The following SETX variants were observed in gnomAD, a reference collection of about 807,000 sequenced individuals.
SETX encodes senataxin.
In SETX, 90 loss-of-function variants were observed where a neutral mutation model predicts 227.2. The ratio of observed to expected loss-of-function variants is 0.40; its 90% CI spans 0.33 to 0.47. SETX has a LOEUF of 0.47. Ranked by LOEUF, SETX falls within the 20% of genes least tolerant of loss-of-function variation. The probability of loss-of-function intolerance (pLI) is 0.91; values close to 1 mark genes in which losing one functional copy is unlikely to be tolerated. For missense variants in SETX, 3,052 were observed against 3,181.5 expected, an observed-to-expected ratio of 0.96 and a Z score of 0.98; for synonymous variants, 1,210 against 1,113.2, an observed-to-expected ratio of 1.09 and a Z score of -1.73.
chr9:132,332,559 A>G (rs1046925555), intron 7 of SETX, among the ~76,000 whole-genome samples: 2 of 152,194 alleles, frequency 1.3e-5, no homozygotes, highest in African/African-American at 2.4e-5. Context: ...TGTGTCTAAT[A>G]AGCTCACAAG....
intron 19 of SETX, among the ~76,000 whole-genome samples, chr9:132,282,282 T>C (rs1177566701): frequency 6.7e-6 from 1 of 150,262 alleles, no homozygotes; most frequent in African/African-American, 2.5e-5. Context: ...TTAAATTTTT[T>C]ATTTATTTTT....
chr9:132,313,792 G>C (rs1376061638), intron 10 of SETX, among the ~76,000 whole-genome samples: 2 of 150,904 alleles, frequency 1.3e-5, no homozygotes, highest in Non-Finnish European at 3.0e-5. Context: ...CAGATGGTTA[G>C]AAAACATACT....
chr9:132,342,918 T>G, intron 4 of SETX, 119 bp from the exon 5 acceptor site: 1 of 765,822 alleles, frequency 1.3e-6, no homozygotes, highest in East Asian at 2.6e-5. Context: ...TTTTCCAAAT[T>G]GAGGCATAAA....
chr9:132,353,388 T>C (rs939929870), intron 2 of SETX, among the ~76,000 whole-genome samples: 2 of 151,662 alleles, frequency 1.3e-5, no homozygotes, highest in African/African-American at 4.8e-5. Context: ...AAAAAAAAAG[T>C]AGAAAAGATC....
chr9:132,334,823 G>A, intron 6 of SETX, 96 bp from the exon 7 acceptor site: 4 of 1,326,784 alleles, frequency 3.0e-6, no homozygotes, highest in Non-Finnish European at 4.3e-6. Flanking sequence ...GGAAGATGAA[G>A]CAAGATAGTA....
chr9:132,329,372 T>C lies in SETX; in HGVS notation c.2226A>G (p.Val742=), dbSNP rs1243864500. The C allele has an allele frequency of 5.6e-6, 9 of 1,613,914 alleles. No individual in the cohort carries two copies. Among genetic ancestry groups the C allele is most frequent in the Non-Finnish European group, 7.6e-6 (9 of 1,179,988 alleles). ...PERGCDRGII[V]STRLLTDSST... Reference sequence around the variant, plus strand: ...TAGAATCAGTCAACAAACGTGTTGATACTATTATTCCTCTGTCACATCCCC... The same window carrying C: ...TAGAATCAGTCAACAAACGTGTTGACACTATTATTCCTCTGTCACATCCCC... Residue 742 remains valine, a synonymous_variant, in exon 10 of 26, where the codon GTA becomes GTG. Transcript: ENST00000224140.
At chr9:132,302,680 G>GAAAAAAAAA (rs1564510211) in intron 11 of SETX, among the ~76,000 whole-genome samples, 1 of 36,176 alleles carries the variant, frequency 2.8e-5, no homozygotes, top group Non-Finnish European at 5.1e-5. Flanking sequence ...AAAAAAAAAA[G>GAAAAAAAAA]CAAAAAAAAA....
In SETX at chr9:132,269,817, T is replaced by G. The variant is rs183731471; in HGVS notation, c.7200-115A>C. ...GCCCGTGTCTGACAGAGGTGGAATCTTGAATGACTCAGTGAGCCCGAGACA... is the reference window on the plus strand; with the variant it reads ...GCCCGTGTCTGACAGAGGTGGAATCGTGAATGACTCAGTGAGCCCGAGACA... On this transcript the variant is annotated intron_variant, in intron 24 of 25. Transcript: ENST00000224140. 1.9e-5 allele frequency: 20 copies of G among 1,061,986 alleles called. No individual in the cohort carries two copies. The East Asian group carries it at 2.7e-4, about 14-fold the overall frequency. The allele number at this position is 1,061,986 out of a possible 1,614,324, so 65.8% of individuals were successfully genotyped here.
At chr9:132,333,999 G>C (rs1283358733) in intron 7 of SETX, among the ~76,000 whole-genome samples, 1 of 151,970 alleles carries the variant, frequency 6.6e-6, no homozygotes, top group East Asian at 1.9e-4. Context: ...GGGAGGCCAT[G>C]GGACAGAGAA....
At chr9:132,344,429 G>A (rs559421314) in intron 4 of SETX, among the ~76,000 whole-genome samples, 6 of 152,174 alleles carry the variant, frequency 3.9e-5, no homozygotes, top group South Asian at 4.2e-4. Flanking sequence ...CTACACTGCC[G>A]AGGGTGAGAA....
In SETX at chr9:132,346,279, G is replaced by A; in HGVS notation, c.370C>T (p.Leu124Phe). 2.5e-6 allele frequency: 4 copies of A among 1,613,402 alleles called. No individual in the cohort carries two copies. The highest frequency in any genetic ancestry group is 3.4e-6 in the Non-Finnish European group (4 of 1,179,470). ...LLEILKYPYL[L>F]LHERVNELCV... ...TACTCACTAACACGTTCATGTAGAA[G>A]CAAGTAAGGATATTTCAGTATTTCA... Residue 124 changes from leucine to phenylalanine, a missense_variant, in exon 4 of 26, where the codon CTT becomes TTT. By Grantham distance (22) the Leu-to-Phe change is conservative. Coordinates refer to ENST00000224140, the MANE Select transcript of SETX (RefSeq NM_015046.7).
intron 4 of SETX, among the ~76,000 whole-genome samples, 179 bp from the exon 5 acceptor site, chr9:132,342,978 C>T (rs1351849757): frequency 6.6e-6 from 1 of 152,100 alleles, no homozygotes; most frequent in African/African-American, 2.4e-5. Context: ...CAGGCTAAAT[C>T]CGTTGATCAC....
At chr9:132,319,461 G>A (rs1305550716) in intron 10 of SETX, among the ~76,000 whole-genome samples, 6 of 152,118 alleles carry the variant, frequency 3.9e-5, no homozygotes, top group East Asian at 1.9e-4. Flanking sequence ...AGCTTACAGC[G>A]CTGTATCTGG....
intron 10 of SETX, among the ~76,000 whole-genome samples, chr9:132,317,804 T>A (rs1417250259): frequency 6.6e-6 from 1 of 152,182 alleles, no homozygotes; most frequent in East Asian, 1.9e-4. Flanking sequence ...CTAGCTTTTT[T>A]TTATTTCTGG....
At chr9:132,344,659 G>A (rs942241654) in intron 4 of SETX, among the ~76,000 whole-genome samples, 2 of 152,184 alleles carry the variant, frequency 1.3e-5, no homozygotes, top group African/African-American at 4.8e-5. Flanking sequence ...CGGATCACTT[G>A]AGGTCAGGAG....
At chr9:132,356,307 A>G (rs140939319), upstream of SETX, among the ~76,000 whole-genome samples, 3,003 of 151,982 alleles carry the variant, frequency 0.02, 96 homozygotes, top group African/African-American at 0.068. Context: ...GGTTCAAATG[A>G]TTCTCCTGCA....
At chr9:132,350,674 C>T (rs1034331921) in intron 2 of SETX, among the ~76,000 whole-genome samples, 2 of 152,080 alleles carry the variant, frequency 1.3e-5, no homozygotes, top group Non-Finnish European at 2.9e-5. Flanking sequence ...TTAAATATTA[C>T]TTTTACTTAT....
chr9:132,271,647 C>T, intron 24 of SETX, 63 bp downstream of exon 24: 1 of 1,346,620 alleles, frequency 7.4e-7, no homozygotes, highest in Non-Finnish European at 1.1e-6. Context: ...TGAACCTAAT[C>T]CTGAACTATA....
chr9:132,334,275 G>T (rs79117874), intron 7 of SETX, among the ~76,000 whole-genome samples: 1 of 152,018 alleles, frequency 6.6e-6, no homozygotes, highest in Non-Finnish European at 1.5e-5. Context: ...GTGAAACCCC[G>T]TCTCTACTAA....
Sources: gnomAD v4.1 joint callset for allele counts (sites outside exome capture counted in the v4.1 genomes callset) on GRCh38, gnomAD v4.1.1 for gene constraint, MANE v1.5 for transcripts, NCBI Gene and HGNC (gene_info 2026-07-23, HGNC 2026-07-21) for gene names.